Variants in KCNQ5 observed in about 807,000 individuals in gnomAD.
KCNQ5 encodes the protein potassium voltage-gated channel subfamily KQT member 5.
In KCNQ5, 30 loss-of-function variants were observed where a neutral mutation model predicts 98.2. The observed-to-expected ratio is 0.31, with a 90% CI of 0.23 to 0.41. The LOEUF (loss-of-function observed/expected upper bound fraction) is 0.41. KCNQ5 is among the 10% of genes least tolerant of loss of function. The probability of loss-of-function intolerance (pLI) is 1.00; values close to 1 mark genes in which losing one functional copy is unlikely to be tolerated. For missense variants in KCNQ5, 835 were observed against 1,182.5 expected, an observed-to-expected ratio of 0.71 and a Z score of 4.31; for synonymous variants, 458 against 449.4, an observed-to-expected ratio of 1.02 and a Z score of -0.24.
intron 10 of KCNQ5, among the ~76,000 whole-genome samples, chr6:73,140,526 G>T (rs952947643): frequency 3.9e-5 from 6 of 152,214 alleles, no homozygotes; most frequent in African/African-American, 1.4e-4. Context: ...CACTTAACCT[G>T]TTTGTGCAGA....
At chr6:73,094,011 C>A (rs1774365840) in intron 5 of KCNQ5, among the ~76,000 whole-genome samples, 1 of 152,106 alleles carries the variant, frequency 6.6e-6, no homozygotes, top group African/African-American at 2.4e-5. Flanking sequence ...GTATTGAAGT[C>A]TCCCACTATT....
At chr6:72,897,425 C>T (rs375908728) in intron 1 of KCNQ5, among the ~76,000 whole-genome samples, 18 of 152,062 alleles carry the variant, frequency 1.2e-4, no homozygotes, top group Middle Eastern at 3.4e-3. Context: ...GCTTGTAATC[C>T]CAGCTTCTTG....
intron 1 of KCNQ5, among the ~76,000 whole-genome samples, chr6:72,672,295 G>A (rs750724360): frequency 2.0e-5 from 3 of 151,652 alleles, no homozygotes; most frequent in Non-Finnish European, 2.9e-5. Flanking sequence ...ACGGAGTTTC[G>A]CCATGTTGGG....
At chr6:72,960,650 A>C (rs1231725253) in intron 1 of KCNQ5, among the ~76,000 whole-genome samples, 1 of 152,166 alleles carries the variant, frequency 6.6e-6, no homozygotes, top group Non-Finnish European at 1.5e-5. Flanking sequence ...CTGGTCTCGA[A>C]GTCCTGACCT....
chr6:73,137,124 TAATCTGTA>T (rs1324274825), intron 10 of KCNQ5, among the ~76,000 whole-genome samples: 2 of 152,172 alleles, frequency 1.3e-5, no homozygotes, highest in African/African-American at 2.4e-5. Context: ...TATTCAGGGT[TAATCTGTA>T]AATTTTAATA....
At chr6:72,804,624 A>G (rs1366452022) in intron 1 of KCNQ5, among the ~76,000 whole-genome samples, 1 of 152,158 alleles carries the variant, frequency 6.6e-6, no homozygotes, top group Admixed American at 6.6e-5. Context: ...TGCAATAAAC[A>G]TGGGAGTGCA....
intron 11 of KCNQ5, among the ~76,000 whole-genome samples, chr6:73,176,346 G>A (rs898570205): frequency 2.6e-5 from 4 of 152,090 alleles, no homozygotes; most frequent in Non-Finnish European, 5.9e-5. Flanking sequence ...CTGCTGCTCC[G>A]GCCACATAAG....
At chr6:72,990,488 G>C (rs1425095025) in intron 1 of KCNQ5, among the ~76,000 whole-genome samples, 12 of 18,586 alleles carry the variant, frequency 6.5e-4, no homozygotes, top group Middle Eastern at 0.031. Context: ...GAATGCTTGT[G>C]ATTTTTGTAC....
At position 72,799,592 on chromosome 6, in the gene KCNQ5, G is replaced by T. The variant is rs548771917; in HGVS notation, c.398+177005G>T. Among the ~76,000 whole-genome samples the T allele has an allele frequency of 1.8e-4, 28 of 152,274 alleles. 2 individuals carry two copies. The highest frequency in any genetic ancestry group is 6.7e-4 in the African/African-American group (28 of 41,574). On this transcript the variant is annotated intron_variant, in intron 1 of 13. Transcript: ENST00000370398. Reference sequence around the variant, plus strand: ...GTATACCATTTCAACTCAAGAAAAAGAATCTGTATTTTCTACAGTCCAGTC... The same window carrying T: ...GTATACCATTTCAACTCAAGAAAAATAATCTGTATTTTCTACAGTCCAGTC...
At chr6:72,826,032 A>G (rs1174130466) in intron 1 of KCNQ5, among the ~76,000 whole-genome samples, 1 of 152,102 alleles carries the variant, frequency 6.6e-6, no homozygotes, top group African/African-American at 2.4e-5. Context: ...TGGAAAAGCC[A>G]TTCTGATTCT....
intron 1 of KCNQ5, among the ~76,000 whole-genome samples, chr6:72,626,394 C>T (rs1350866368): frequency 2.0e-5 from 3 of 152,164 alleles, no homozygotes; most frequent in African/African-American, 7.2e-5. Flanking sequence ...TGAATCAGCA[C>T]AGTAATTCTA....
intron 1 of KCNQ5, among the ~76,000 whole-genome samples, chr6:72,981,037 T>G (rs1218168872): frequency 6.6e-6 from 1 of 152,226 alleles, no homozygotes; most frequent in Non-Finnish European, 1.5e-5. Context: ...ATAAGCTTTT[T>G]GATGTGCTGC....
chr6:72,987,507 TCC>T (rs745451886), intron 1 of KCNQ5: 8 of 658,672 alleles, frequency 1.2e-5, no homozygotes, highest in Non-Finnish European at 2.3e-5. Flanking sequence ...CAAAAACCTG[TCC>T]CCTTCGTTCA....
chr6:72,642,319 T>A (rs1180660782), intron 1 of KCNQ5, among the ~76,000 whole-genome samples: 1 of 151,742 alleles, frequency 6.6e-6, no homozygotes, highest in African/African-American at 2.4e-5. Context: ...AAATTCTTAT[T>A]TATTTATTTA....
rs149643974 is a variant in KCNQ5, at chr6:72,666,014, A to G, written c.398+43427A>G. On this transcript the variant is annotated intron_variant, in intron 1 of 13. Transcript: ENST00000370398. ...CCTCATATTTGTTTCCGTAATCAGA[A>G]TAATAGGAAACAATTCTAAACCAGG... Among the ~76,000 whole-genome samples, 1,027 of 152,322 alleles carry G rather than the reference A, an allele frequency of 6.7e-3. 4 individuals carry two copies. Among genetic ancestry groups the G allele is most frequent in the South Asian group, 0.011 (51 of 4,832 alleles).
At chr6:73,173,520 G>A (rs993890940) in intron 11 of KCNQ5, among the ~76,000 whole-genome samples, 3 of 152,160 alleles carry the variant, frequency 2.0e-5, no homozygotes, top group Non-Finnish European at 4.4e-5. Flanking sequence ...AAAATGTCAA[G>A]TATCTGGCTA....
At chr6:72,737,797 C>T (rs1310772808) in intron 1 of KCNQ5, among the ~76,000 whole-genome samples, 1 of 151,910 alleles carries the variant, frequency 6.6e-6, no homozygotes, top group East Asian at 1.9e-4. Flanking sequence ...GTTTTATCTG[C>T]AGGGAAGGTG....
intron 9 of KCNQ5, among the ~76,000 whole-genome samples, chr6:73,132,249 G>A (rs960928212): frequency 5.9e-5 from 9 of 152,044 alleles, no homozygotes; most frequent in East Asian, 1.9e-4. Flanking sequence ...CAAAGGCTGC[G>A]GCTTTACTCT....
At chr6:72,972,366 T>C (rs893813465) in intron 1 of KCNQ5, among the ~76,000 whole-genome samples, 1 of 151,746 alleles carries the variant, frequency 6.6e-6, no homozygotes, top group East Asian at 1.9e-4. Context: ...GCTTCTTTTT[T>C]TTTCTTTATT....
Sources: allele counts gnomAD v4.1 joint callset (sites outside exome capture counted in the v4.1 genomes callset), GRCh38; gene constraint gnomAD v4.1.1; transcripts MANE v1.5; gene names NCBI Gene and HGNC (gene_info 2026-07-23, HGNC 2026-07-21).